Variants in RDM1 observed in about 807,000 individuals in gnomAD.
RDM1 encodes the protein RAD52 motif containing 1.
RDM1 carries 28 observed loss-of-function variants against 27.7 expected under a neutral mutation model. The observed-to-expected ratio is 1.01, with a 90% CI of 0.75 to 1.39. The LOEUF (loss-of-function observed/expected upper bound fraction) is 1.39, where lower values mean the gene tolerates loss of function less well. Ranked by LOEUF, RDM1 falls within the 40% of genes most tolerant of loss-of-function variation. RDM1 has a pLI of 0.00. For missense variants in RDM1, 277 were observed against 337.3 expected, an observed-to-expected ratio of 0.82 and a Z score of 1.40; for synonymous variants, 124 against 127.5, an observed-to-expected ratio of 0.97 and a Z score of 0.19.
chr17:35,930,766 A>G lies in RDM1; in HGVS notation c.-39T>C, dbSNP rs780415923. On this transcript the variant is annotated 5_prime_UTR_variant, in exon 1 of 7. Transcript: ENST00000620284. ...CACCTGCGCGGCTAACCCTCGCCCC[A>G]GCATTGCGCCTGCGCAAGGCACGCC... The G allele has an allele frequency of 1.9e-6, 3 of 1,593,556 alleles. No homozygotes were observed. The East Asian group carries it at 6.7e-5, about 36-fold the overall frequency.
Position 35,922,673 on chromosome 17 carries a change from G to T in RDM1, c.571C>A (p.Pro191Thr), listed in dbSNP as rs1363234576. Residue 191 changes from proline (P) to threonine (T), a missense_variant and splice_region_variant, in exon 5 of 7, where the codon CCA (proline) becomes ACA (threonine). Transcript: ENST00000620284. ...TTCCTTTTCATAAGGAATGATAATG[G>T]TCCTAAATCCAACCAAAACAAATGG... Reference protein sequence around the residue: ...EEPMDKVEEGPLSFLMKRKTA... With the variant: ...EEPMDKVEEGTLSFLMKRKTA... 4.4e-6 allele frequency: 7 copies of T among 1,591,270 alleles called. No homozygotes were observed. Among genetic ancestry groups the T allele is most frequent in the Admixed American group, 1.8e-5 (1 of 54,094 alleles).
intron 2 of RDM1, among the ~76,000 whole-genome samples, chr17:35,929,376 T>C (rs1490791193): frequency 6.6e-6 from 1 of 152,178 alleles, no homozygotes; most frequent in African/African-American, 2.4e-5. Context: ...TCCTCCCACC[T>C]CAGTCTCCCA....
At chr17:35,925,149 AAAAC>A (rs1392123342) in intron 3 of RDM1, among the ~76,000 whole-genome samples, 2 of 152,174 alleles carry the variant, frequency 1.3e-5, no homozygotes, top group African/African-American at 4.8e-5. Flanking sequence ...AAAACAAAAC[AAAAC>A]AAAAACCCAA....
chr17:35,930,629 C>A lies in RDM1; in HGVS notation c.96+3G>T. The stretch of plus-strand genomic sequence containing the variant: ...CCCTCCCTCCATCCTGGCCCCGGCT[C>A]ACATGCAAAGCCTCGGCCGTGGGTC... On this transcript the variant is annotated splice_donor_region_variant and intron_variant, in intron 1 of 6. Coordinates refer to ENST00000620284, the MANE Select transcript of RDM1 (RefSeq NM_145654.4). 1.9e-6 allele frequency: 3 copies of A among 1,612,412 alleles called. No homozygotes were observed. In the East Asian group the frequency reaches 6.7e-5, roughly 36 times the overall value.
At position 35,925,614 on chromosome 17, in the gene RDM1, C is replaced by T; in HGVS notation, c.300G>A (p.Lys100=). Residue 100 remains lysine (K), a synonymous_variant, in exon 3 of 7, where the codon AAG becomes AAA. Transcript: ENST00000620284. ...GGGCAAGGGCTTGATGTTGAACTGC[C>T]TTATGTCTGGTGCCAAGACGAACCT... is the stretch of plus-strand genomic sequence containing the variant. The part of the protein sequence containing the change: ...PVKVRLGTRH[K]AVQHQALALN... 1 of 1,613,456 alleles carries T rather than the reference C, an allele frequency of 6.2e-7. No homozygotes were observed. The highest frequency in any genetic ancestry group is 1.1e-5 in the South Asian group (1 of 90,994).
At chr17:35,929,623 G>C (rs888491212) in intron 2 of RDM1, among the ~76,000 whole-genome samples, 50 of 152,082 alleles carry the variant, frequency 3.3e-4, no homozygotes, top group African/African-American at 1.2e-3. Flanking sequence ...TGTATTTATA[G>C]TACAGATGGA....
intron 4 of RDM1, among the ~76,000 whole-genome samples, chr17:35,923,956 A>G (rs1373349234): frequency 6.6e-6 from 1 of 152,060 alleles, no homozygotes; most frequent in African/African-American, 2.4e-5. Context: ...GCTCATGCCT[A>G]TAACCCCAGC....
Position 35,920,136 on chromosome 17 carries a change from G to A in RDM1, c.753+51C>T, listed in dbSNP as rs189735938. ...CCTCCAAATTATGCTGCTTTTTTTT[G>A]AATTATGGTTACACTGGCTATGTTA... On this transcript the variant is annotated intron_variant, in intron 6 of 6. Coordinates refer to ENST00000620284, the MANE Select transcript of RDM1 (RefSeq NM_145654.4). The A allele has an allele frequency of 2.8e-5, 25 of 881,386 alleles. No individual in the cohort carries two copies. In the Admixed American group the frequency reaches 4.1e-4, roughly 14 times the overall value. 54.6% of individuals were successfully genotyped at this position (881,386 alleles called of 1,614,324 possible).
intron 4 of RDM1, among the ~76,000 whole-genome samples, chr17:35,923,085 C>T (rs1428169025): frequency 6.6e-6 from 1 of 151,806 alleles, no homozygotes; most frequent in African/African-American, 2.4e-5. Flanking sequence ...GAGGCTGAGG[C>T]AGGTGGAGGC....
At chr17:35,924,138 T>C (rs2089050349) in intron 4 of RDM1, among the ~76,000 whole-genome samples, 1 of 152,046 alleles carries the variant, frequency 6.6e-6, no homozygotes, top group Non-Finnish European at 1.5e-5. Flanking sequence ...GGAGGATCCC[T>C]TGAGCCCAGA....
At chr17:35,923,282 G>A (rs764825015) in intron 4 of RDM1, among the ~76,000 whole-genome samples, 3 of 151,052 alleles carry the variant, frequency 2.0e-5, no homozygotes, top group Non-Finnish European at 4.4e-5. Context: ...ACTGGGAGGC[G>A]GAGGTTGCAG....
rs772198702 is a variant in RDM1, at chr17:35,930,733, C to T, written c.-6G>A. On this transcript the variant is annotated 5_prime_UTR_variant, in exon 1 of 7. Coordinates refer to ENST00000620284, the MANE Select transcript of RDM1 (RefSeq NM_145654.4). ...AAAGGTACCAACTCCGCCATCCTCC[C>T]TTCACCGCACCTGCGCGGCTAACCC... is the stretch of plus-strand genomic sequence containing the variant. 2 of 1,612,840 alleles carry T rather than the reference C, an allele frequency of 1.2e-6. No individual in the cohort carries two copies. The highest frequency in any genetic ancestry group is 2.7e-5 in the African/African-American group (2 of 74,896).
Position 35,930,738 on chromosome 17 carries a change from C to A in RDM1, c.-11G>T. The stretch of plus-strand genomic sequence containing the variant: ...TACCAACTCCGCCATCCTCCCTTCA[C>A]CGCACCTGCGCGGCTAACCCTCGCC... On this transcript the variant is annotated 5_prime_UTR_variant, in exon 1 of 7. Transcript: ENST00000620284. 1 of 1,612,464 alleles carries A rather than the reference C, an allele frequency of 6.2e-7. No homozygotes were observed. Among genetic ancestry groups the A allele is most frequent in the Non-Finnish European group, 8.5e-7 (1 of 1,179,352 alleles).
At chr17:35,922,750 A>C in intron 4 of RDM1, 75 bp from the exon 5 acceptor site, 2 of 1,227,048 alleles carry the variant, frequency 1.6e-6, no homozygotes, top group Non-Finnish European at 2.3e-6. Context: ...AAAATAAAAA[A>C]GCATCCACGA....
rs1204363110 is a variant in RDM1, at chr17:35,920,254, A to G, written c.686T>C (p.Val229Ala). The change falls in exon 6 of 7, where the codon GTG (valine) becomes GCG (alanine). Residue 229 changes from valine (V) to alanine (A), a missense_variant. Physicochemically the swap from Val to Ala is moderately conservative, Grantham distance 64. Coordinates refer to ENST00000620284, the MANE Select transcript of RDM1 (RefSeq NM_145654.4). ...GATGTCTTCACTGGGTCTGTACTCC[A>G]CAGCTATTTTACCACTTTCTGAAAT... ...IVVLESGKIA[V>A]EYRPSEDIVG... 1.9e-6 allele frequency: 3 copies of G among 1,584,616 alleles called. No homozygotes were observed. The highest frequency in any genetic ancestry group is 2.6e-6 in the Non-Finnish European group (3 of 1,160,100).
In RDM1 at chr17:35,930,681, G is replaced by C. The variant is rs2089295468; in HGVS notation, c.47C>G (p.Thr16Ser). 1.2e-6 allele frequency: 2 copies of C among 1,613,856 alleles called. No individual in the cohort carries two copies. Among genetic ancestry groups the C allele is most frequent in the Non-Finnish European group, 1.7e-6 (2 of 1,179,986 alleles). The change falls in exon 1 of 7, where the codon ACC (threonine) becomes AGC (serine). Residue 16 changes from threonine (T) to serine (S), a missense_variant. Coordinates refer to ENST00000620284, the MANE Select transcript of RDM1 (RefSeq NM_145654.4). ...GGAGCTCAGCTCCCACACTAGCAAG[G>C]TTTTGTCACTCTCGATGGGAACCGC... ...PFAVPIESDK[T>S]LLVWELSSGP...
rs751874471 is a variant in RDM1, at chr17:35,922,587, A to C, written c.657T>G (p.Ile219Met). ...ALSDAFQKLL[I>M]VVLESGKIAV... is the part of the protein sequence containing the mutation. ...TCAAGACAGTCTTACCTAGAACAAC[A>C]ATCAACAGTTTCTGGAATGCATCTG... The change falls in exon 5 of 7, where the codon ATT (isoleucine) becomes ATG (methionine). Residue 219 changes from isoleucine to methionine, a missense_variant. Ile to Met is a conservative substitution (Grantham distance 10). Coordinates refer to ENST00000620284, the MANE Select transcript of RDM1 (RefSeq NM_145654.4). 3.1e-6 allele frequency: 5 copies of C among 1,611,562 alleles called. No homozygotes were observed. The South Asian group carries it at 5.5e-5, about 18-fold the overall frequency.
chr17:35,921,352 C>T (rs1034551050), intron 5 of RDM1, among the ~76,000 whole-genome samples: 12 of 152,228 alleles, frequency 7.9e-5, no homozygotes, highest in Admixed American at 7.9e-4. Flanking sequence ...CCACCTCCTA[C>T]AAGCAAATAA....
In RDM1 at chr17:35,918,243, G is replaced by T; in HGVS notation, c.*99C>A. The T allele has an allele frequency of 9.9e-7, 1 of 1,012,626 alleles. No individual in the cohort carries two copies. Among genetic ancestry groups the T allele is most frequent in the Non-Finnish European group, 1.5e-6 (1 of 658,690 alleles). 62.7% of individuals were successfully genotyped at this position (1,012,626 alleles called of 1,614,324 possible). A position where few individuals can be genotyped will look rare whatever the true frequency, so the allele number is the denominator to read the frequency against. ...TGGGCGGCCGACCCAGGTGGTTCCAGGACTCCAGCAGCCTATAGTGGTGGG... is the reference window on the plus strand; with the variant it reads ...TGGGCGGCCGACCCAGGTGGTTCCATGACTCCAGCAGCCTATAGTGGTGGG... On this transcript the variant is annotated 3_prime_UTR_variant, in exon 7 of 7. Coordinates refer to ENST00000620284, the MANE Select transcript of RDM1 (RefSeq NM_145654.4).
Sources: allele counts gnomAD v4.1 joint callset (sites outside exome capture counted in the v4.1 genomes callset), GRCh38; gene constraint gnomAD v4.1.1; transcripts MANE v1.5; gene names NCBI Gene and HGNC (gene_info 2026-07-23, HGNC 2026-07-21).